The following PHACTR1 variants were observed in gnomAD, a reference collection of about 807,000 sequenced individuals.
PHACTR1 encodes the protein phosphatase and actin regulator 1, also known as RPEL repeat containing 1.
A neutral mutation model predicts 69.2 loss-of-function variants in PHACTR1; 16 were observed. The ratio of observed to expected loss-of-function variants is 0.23; its 90% confidence interval spans 0.16 to 0.35. PHACTR1 has a LOEUF of 0.35. Ranked by LOEUF, PHACTR1 falls within the 10% of genes least tolerant of loss-of-function variation. The probability of loss-of-function intolerance (pLI) is 1.00; values close to 1 mark genes in which losing one functional copy is unlikely to be tolerated. For missense variants in PHACTR1, 510 were observed against 734.7 expected, an observed-to-expected ratio of 0.69 and a Z score of 3.54; for synonymous variants, 312 against 284.5, an observed-to-expected ratio of 1.10 and a Z score of -0.97.
At chr6:13,034,320 A>G (rs544119123) in intron 4 of PHACTR1, among the ~76,000 whole-genome samples, 1 of 152,260 alleles carries the variant, frequency 6.6e-6, no homozygotes, top group South Asian at 2.1e-4. Context: ...CCCGGCCAGG[A>G]CTTTTCTTTT....
intron 4 of PHACTR1, among the ~76,000 whole-genome samples, chr6:12,867,748 G>T (rs1245814022): frequency 6.6e-6 from 1 of 152,188 alleles, no homozygotes; most frequent in Non-Finnish European, 1.5e-5. Context: ...TTGCAAGATG[G>T]TGAAATATCA....
At chr6:12,904,544 A>AG (rs1785528342) in intron 4 of PHACTR1, among the ~76,000 whole-genome samples, 1 of 152,086 alleles carries the variant, frequency 6.6e-6, no homozygotes, top group Non-Finnish European at 1.5e-5. Flanking sequence ...CAAAAAAAAA[A>AG]AAAAAAGTGA....
At chr6:13,096,314 C>G (rs1013395326) in intron 5 of PHACTR1, among the ~76,000 whole-genome samples, 1 of 152,196 alleles carries the variant, frequency 6.6e-6, no homozygotes, top group African/African-American at 2.4e-5. Context: ...ACAAGCCTCT[C>G]TAAAGGTACA....
chr6:12,872,712 G>A (rs1177933339), intron 4 of PHACTR1, among the ~76,000 whole-genome samples: 1 of 151,976 alleles, frequency 6.6e-6, no homozygotes, highest in Admixed American at 6.6e-5. Context: ...AATGCCCCCC[G>A]AAGTTTCTCA....
chr6:13,180,938 T>A (rs532112208), intron 6 of PHACTR1, among the ~76,000 whole-genome samples: 2 of 151,978 alleles, frequency 1.3e-5, no homozygotes, highest in Non-Finnish European at 2.9e-5. Flanking sequence ...ATATTATTGA[T>A]CCCAATTATA....
intron 11 of PHACTR1, chr6:13,273,916 CCCCGCCCCGT>C (rs1457561732): frequency 6.6e-6 from 1 of 150,998 alleles, no homozygotes; most frequent in Non-Finnish European, 1.5e-5. Context: ...CCCCGCCCCG[CCCCGCCCCGT>C]GCCCAGTAAA....
chr6:13,052,708 T>C (rs1806140869), intron 4 of PHACTR1, among the ~76,000 whole-genome samples: 1 of 152,162 alleles, frequency 6.6e-6, no homozygotes, highest in Non-Finnish European at 1.5e-5. Context: ...GCTCTCAATT[T>C]CTAAGAATTT....
intron 5 of PHACTR1, among the ~76,000 whole-genome samples, chr6:13,092,668 A>G (rs972158333): frequency 2.0e-5 from 3 of 152,212 alleles, no homozygotes; most frequent in Admixed American, 6.5e-5. Flanking sequence ...ACCTACAACT[A>G]CTCAGTCCCA....
chr6:12,837,230 T>C lies in PHACTR1; in HGVS notation c.250+87440T>C, dbSNP rs965545860. Among the ~76,000 whole-genome samples the C allele has an allele frequency of 3.9e-5, 6 of 152,282 alleles. 1 individual carries two copies. In the East Asian group the frequency reaches 1.2e-3, roughly 29 times the overall value. The stretch of plus-strand genomic sequence containing the variant: ...TGATAAAAAATTACAAATACCAGAG[T>C]TGGACTCGTTTAGCTTAAAGGTCCA... On this transcript the variant is annotated intron_variant, in intron 4 of 14. Transcript: ENST00000332995.
chr6:13,204,372 G>A (rs1296752646), intron 7 of PHACTR1, among the ~76,000 whole-genome samples: 1 of 151,888 alleles, frequency 6.6e-6, no homozygotes, highest in Non-Finnish European at 1.5e-5. Flanking sequence ...ACTGCGTGGT[G>A]CTCCCCAACA....
At chr6:13,178,181 G>A (rs577532259) in intron 6 of PHACTR1, among the ~76,000 whole-genome samples, 2 of 152,270 alleles carry the variant, frequency 1.3e-5, no homozygotes, top group Admixed American at 6.5e-5. Context: ...CTTGTTAGAC[G>A]TGTCTGCCTC....
At chr6:13,241,079 C>T (rs1772770867) in intron 10 of PHACTR1, among the ~76,000 whole-genome samples, 1 of 152,122 alleles carries the variant, frequency 6.6e-6, no homozygotes, top group South Asian at 2.1e-4. Flanking sequence ...TTGAACAGAG[C>T]TTCCCTCCCA....
At chr6:12,897,577 C>A (rs745819499) in intron 4 of PHACTR1, among the ~76,000 whole-genome samples, 41 of 152,164 alleles carry the variant, frequency 2.7e-4, no homozygotes, top group Non-Finnish European at 4.6e-4. Flanking sequence ...ATAGCGTCCA[C>A]TTCCTCTCTT....
intron 4 of PHACTR1, among the ~76,000 whole-genome samples, chr6:13,050,911 C>T (rs576783373): frequency 6.6e-6 from 1 of 152,296 alleles, no homozygotes; most frequent in African/African-American, 2.4e-5. Context: ...GATTCTCCCA[C>T]CTGGCTGAAT....
At chr6:12,984,900 G>A (rs1795952587) in intron 4 of PHACTR1, among the ~76,000 whole-genome samples, 1 of 152,146 alleles carries the variant, frequency 6.6e-6, no homozygotes, top group African/African-American at 2.4e-5. Flanking sequence ...CACATTCATG[G>A]AAATGTAAGA....
At chr6:12,995,940 TA>T (rs1384960071) in intron 4 of PHACTR1, among the ~76,000 whole-genome samples, 1 of 152,114 alleles carries the variant, frequency 6.6e-6, no homozygotes, top group Non-Finnish European at 1.5e-5. Flanking sequence ...AGATATTGCT[TA>T]AAACATATGT....
rs185405856 is a variant in PHACTR1, at chr6:12,922,253, G to A, written c.251-131112G>A. Among the ~76,000 whole-genome samples the A allele has an allele frequency of 4.6e-5, 7 of 152,162 alleles. No individual in the cohort carries two copies. In the East Asian group the frequency reaches 1.4e-3, roughly 29 times the overall value. On this transcript the variant is annotated intron_variant, in intron 4 of 14. Transcript: ENST00000332995. ...TCCTCATTCATTAAATGGGAAAATT[G>A]GAATAAAAAATGACTCTAAGACTTC...
At chr6:13,108,015 G>A (rs1414227721) in intron 5 of PHACTR1, among the ~76,000 whole-genome samples, 1 of 151,906 alleles carries the variant, frequency 6.6e-6, no homozygotes, top group Non-Finnish European at 1.5e-5. Context: ...AGGATTTAAG[G>A]TTTTCAGATT....
Position 13,053,444 on chromosome 6 carries a change from A to G in PHACTR1, c.330A>G (p.Arg110=). 6.2e-7 allele frequency: 1 copy of G among 1,613,852 alleles called. No individual in the cohort carries two copies. The highest frequency in any genetic ancestry group is 8.5e-7 in the Non-Finnish European group (1 of 1,179,852). Reference sequence around the variant, plus strand: ...CCCACACCCCACCCATCCGCAGGAGAAGTAAGTTTGCCAACCTGGGAAGGA... The same window carrying G: ...CCCACACCCCACCCATCCGCAGGAGGAGTAAGTTTGCCAACCTGGGAAGGA... ...PGTHTPPIRR[R]SKFANLGRIF... The change falls in exon 5 of 15, where the codon AGA becomes AGG. Residue 110 remains arginine, a synonymous_variant. Transcript: ENST00000332995.
Sources: allele counts gnomAD v4.1 joint callset (sites outside exome capture counted in the v4.1 genomes callset), GRCh38; gene constraint gnomAD v4.1.1; transcripts MANE v1.5; gene names NCBI Gene and HGNC (gene_info 2026-07-23, HGNC 2026-07-21).